Variants in PRKCA observed in about 807,000 individuals in gnomAD.
PRKCA encodes the protein protein kinase C alpha type.
PRKCA carries 27 observed loss-of-function variants against 87.0 expected under a neutral mutation model. The ratio of observed to expected loss-of-function variants is 0.31; its 90% CI spans 0.23 to 0.43. PRKCA has a LOEUF of 0.43. Among genes scored for constraint, PRKCA ranks in the 20% least tolerant of loss-of-function variants. The pLI is 1.00. For synonymous variants in PRKCA, 329 were observed against 311.1 expected (o/e 1.06, Z -0.61); for missense variants, 518 against 852.3 (o/e 0.61, Z 4.88).
intron 3 of PRKCA, among the ~76,000 whole-genome samples, chr17:66,502,546 T>C (rs1916783365): frequency 6.6e-6 from 1 of 151,910 alleles, no homozygotes. Context: ...TTTTTAAAAT[T>C]CATTTTCTCT....
intron 16 of PRKCA, among the ~76,000 whole-genome samples, chr17:66,789,995 C>G (rs1568035978): frequency 6.6e-6 from 1 of 152,230 alleles, no homozygotes; most frequent in African/African-American, 2.4e-5. Context: ...CAGCATCAGG[C>G]AGCTCCCCAT....
chr17:66,459,206 C>CA (rs35784459), intron 2 of PRKCA, among the ~76,000 whole-genome samples: 50,910 of 129,480 alleles, frequency 0.39, 9,424 homozygotes, highest in Middle Eastern at 0.52. Flanking sequence ...ATCCCTGTCT[C>CA]AAAAAAAAAA....
chr17:66,371,974 C>T (rs151006584), intron 2 of PRKCA, among the ~76,000 whole-genome samples: 60 of 152,292 alleles, frequency 3.9e-4, no homozygotes, highest in Non-Finnish European at 6.0e-4. Flanking sequence ...AAAAGTGAGA[C>T]GCTGTATCCA....
intron 2 of PRKCA, among the ~76,000 whole-genome samples, chr17:66,445,767 C>A (rs228889): frequency 0.67 from 101,998 of 151,718 alleles, 34,383 homozygotes; most frequent in Middle Eastern, 0.79. Context: ...GTGGTGTTTT[C>A]ATCTGTCTAC....
At chr17:66,727,481 A>G (rs1196966432) in intron 8 of PRKCA, among the ~76,000 whole-genome samples, 2 of 152,196 alleles carry the variant, frequency 1.3e-5, no homozygotes, top group African/African-American at 2.4e-5. Flanking sequence ...GTGAGGTCCC[A>G]GGTGAAACTG....
At chr17:66,479,545 A>G (rs1008205274) in intron 2 of PRKCA, among the ~76,000 whole-genome samples, 1 of 152,202 alleles carries the variant, frequency 6.6e-6, no homozygotes, top group Non-Finnish European at 1.5e-5. Context: ...TTATAAAGAC[A>G]CATGCACACA....
intron 3 of PRKCA, among the ~76,000 whole-genome samples, chr17:66,605,849 C>G (rs1314404455): frequency 6.6e-6 from 1 of 152,126 alleles, no homozygotes; most frequent in Non-Finnish European, 1.5e-5. Context: ...TTGTATGATT[C>G]CATTTATGTG....
intron 9 of PRKCA, among the ~76,000 whole-genome samples, chr17:66,733,852 C>T (rs1367085808): frequency 1.3e-5 from 2 of 152,166 alleles, no homozygotes; most frequent in African/African-American, 4.8e-5. Flanking sequence ...AGGTGAACCA[C>T]AGGACCCAAA....
At chr17:66,384,124 G>A (rs897939100) in intron 2 of PRKCA, among the ~76,000 whole-genome samples, 2 of 151,972 alleles carry the variant, frequency 1.3e-5, no homozygotes, top group Admixed American at 6.6e-5. Flanking sequence ...CTTGACACAC[G>A]GAATGCTCAG....
At chr17:66,508,200 C>T (rs912157581) in intron 3 of PRKCA, among the ~76,000 whole-genome samples, 5 of 152,200 alleles carry the variant, frequency 3.3e-5, no homozygotes, top group Non-Finnish European at 7.3e-5. Context: ...GAGGCTTGTA[C>T]TAGCAAGAGT....
At chr17:66,309,669 A>C (rs969269668) in intron 2 of PRKCA, among the ~76,000 whole-genome samples, 1 of 152,162 alleles carries the variant, frequency 6.6e-6, no homozygotes, top group Non-Finnish European at 1.5e-5. Flanking sequence ...CACAGCTCTG[A>C]AGTGACCCTT....
At chr17:66,337,467 A>G (rs1268116756) in intron 2 of PRKCA, among the ~76,000 whole-genome samples, 1 of 152,114 alleles carries the variant, frequency 6.6e-6, no homozygotes, top group Non-Finnish European at 1.5e-5. Context: ...ATGGCACACC[A>G]CAGCCTCGAC....
chr17:66,654,421 C>CCAG (rs1555631736), intron 5 of PRKCA, among the ~76,000 whole-genome samples: 3 of 151,600 alleles, frequency 2.0e-5, no homozygotes, highest in Non-Finnish European at 2.9e-5. Flanking sequence ...ATCATCATCA[C>CCAG]CAGCAGCAGC....
At chr17:66,668,779 G>T (rs1350913825) in intron 5 of PRKCA, among the ~76,000 whole-genome samples, 1 of 152,162 alleles carries the variant, frequency 6.6e-6, no homozygotes, top group East Asian at 1.9e-4. Context: ...TTACAGAAGA[G>T]TATTTGAGAA....
chr17:66,370,833 A>G (rs555486428), intron 2 of PRKCA, among the ~76,000 whole-genome samples: 1 of 152,274 alleles, frequency 6.6e-6, no homozygotes, highest in South Asian at 2.1e-4. Context: ...AGAGAAGAAT[A>G]TTGATGCCTA....
intron 2 of PRKCA, among the ~76,000 whole-genome samples, chr17:66,360,966 T>C (rs1908354752): frequency 6.6e-6 from 1 of 152,098 alleles, no homozygotes. Context: ...TGCTTTTCTT[T>C]TTGTTTGGGG....
At chr17:66,459,072 TAA>T (rs900584988) in intron 2 of PRKCA, among the ~76,000 whole-genome samples, 1 of 146,872 alleles carries the variant, frequency 6.8e-6, no homozygotes, top group African/African-American at 2.5e-5. Context: ...TATTGTTAAG[TAA>T]AAAAAAAAGG....
chr17:66,752,230 G>T (rs1974448206), intron 13 of PRKCA, among the ~76,000 whole-genome samples: 1 of 152,198 alleles, frequency 6.6e-6, no homozygotes, highest in South Asian at 2.1e-4. Context: ...GGAAAGCCTT[G>T]TCCATTATTT....
intron 2 of PRKCA, among the ~76,000 whole-genome samples, chr17:66,393,163 G>A (rs1381447054): frequency 2.0e-5 from 3 of 152,164 alleles, no homozygotes; most frequent in Non-Finnish European, 4.4e-5. Context: ...GGGAAGCTTA[G>A]CAAATCTGGG....
Sources: gnomAD v4.1 joint callset for allele counts (sites outside exome capture counted in the v4.1 genomes callset) on GRCh38, gnomAD v4.1.1 for gene constraint, MANE v1.5 for transcripts, NCBI Gene and HGNC (gene_info 2026-07-23, HGNC 2026-07-21) for gene names.